RBMS2: variants seen among roughly 807,000 people sequenced by gnomAD.
RBMS2 encodes the protein RNA binding motif single stranded interacting protein 2, also known as RNA-binding motif, single-stranded-interacting protein 2.
A neutral mutation model predicts 58.4 loss-of-function variants in RBMS2; 38 were observed. The observed-to-expected ratio is 0.65, with a 90% CI of 0.50 to 0.85. The LOEUF (loss-of-function observed/expected upper bound fraction) is 0.85, where lower values mean the gene tolerates loss of function less well. RBMS2 is among the 40% of genes least tolerant of loss of function. The pLI is 0.00. For missense variants in RBMS2, 367 were observed against 503.7 expected, an observed-to-expected ratio of 0.73 and a Z score of 2.60; for synonymous variants, 151 against 180.7, an observed-to-expected ratio of 0.84 and a Z score of 1.32.
At chr12:56,586,297 A>T (rs1338342861) in intron 9 of RBMS2, among the ~76,000 whole-genome samples, 1 of 150,954 alleles carries the variant, frequency 6.6e-6, no homozygotes, top group Non-Finnish European at 1.5e-5. Context: ...CTGCCACTGC[A>T]CTCCAGCTTG....
At position 56,588,979 on chromosome 12, in the gene RBMS2, G is replaced by A. The variant is rs772225865; in HGVS notation, c.1191G>A (p.Glu397=). ...AAGTGGCAGTGGACGCACCCTCAGA[G>A]CATGGGGTCTATTCTTTCCAGTTCA... is the stretch of plus-strand genomic sequence containing the variant. ...QNQVAVDAPS[E]HGVYSFQFNK Residue 397 remains glutamate, a synonymous_variant, in exon 13 of 14, where the codon GAG becomes GAA. Transcript: ENST00000262031. 11 of 1,614,072 alleles carry A rather than the reference G, an allele frequency of 6.8e-6. No homozygotes were observed. The South Asian group carries it at 1.1e-4, about 16-fold the overall frequency.
chr12:56,547,766 A>G (rs1877521116), intron 1 of RBMS2, among the ~76,000 whole-genome samples: 1 of 150,666 alleles, frequency 6.6e-6, no homozygotes, highest in Non-Finnish European at 1.5e-5. Flanking sequence ...CTCCTGCCTC[A>G]GCCTCCCAAG....
At position 56,557,421 on chromosome 12, in the gene RBMS2, T is replaced by G. The variant is rs373674311; in HGVS notation, c.67-4996T>G. On this transcript the variant is annotated intron_variant, in intron 1 of 13. Transcript: ENST00000262031. ...TTTGGTGTCAAACCTATGCAGCAAT[T>G]TCAGAAGGTACGTGAGAATAGCAAG... 9.4e-4 allele frequency among the ~76,000 whole-genome samples: 143 copies of G among 152,224 alleles called. 2 individuals are homozygous for G. In the South Asian group the frequency reaches 0.02, roughly 21 times the overall value.
intron 1 of RBMS2, among the ~76,000 whole-genome samples, chr12:56,542,503 G>A (rs1171652097): frequency 1.4e-5 from 2 of 146,482 alleles, no homozygotes; most frequent in African/African-American, 2.5e-5. Context: ...TATAGTTAAC[G>A]AAAACCATTG....
In RBMS2 at chr12:56,587,596, C is replaced by T; in HGVS notation, c.994C>T (p.Gln332Ter). Residue 332 changes from glutamine (Q) to a stop codon, truncating the protein, a stop_gained, in exon 11 of 14, where the codon CAG becomes TAG. Transcript: ENST00000262031. LOFTEE classifies it high-confidence loss of function. Reference sequence around the variant, plus strand: ...AGGGATGGACCATCCCATTTCTCTCCAGCCTGCCTCCATGATGGGACCCCT... The same window carrying T: ...AGGGATGGACCATCCCATTTCTCTCTAGCCTGCCTCCATGATGGGACCCCT... ...TPGMDHPISL[Q>*]PASMMGPLTQ... 1.2e-6 allele frequency: 2 copies of T among 1,614,086 alleles called. No individual in the cohort carries two copies. Among genetic ancestry groups the T allele is most frequent in the Non-Finnish European group, 1.7e-6 (2 of 1,179,978 alleles).
In RBMS2 at chr12:56,588,311, A is replaced by G; in HGVS notation, c.1080A>G (p.Ala360=). ...SSTGTYMPTA[A]AMQGAYISQY... ...CTTTCTAGTATATGCCGACGGCTGC[A>G]GCTATGCAAGGAGCTTACATCTCCC... The change falls in exon 12 of 14, where the codon GCA becomes GCG. Residue 360 remains alanine (A), a synonymous_variant. Coordinates refer to ENST00000262031, the MANE Select transcript of RBMS2 (RefSeq NM_002898.4). 2.5e-6 allele frequency: 4 copies of G among 1,613,852 alleles called. No homozygotes were observed. Among genetic ancestry groups the G allele is most frequent in the Non-Finnish European group, 3.4e-6 (4 of 1,179,802 alleles).
At chr12:56,555,476 C>CATACCTGTAATCCA (rs1879077016) in intron 1 of RBMS2, among the ~76,000 whole-genome samples, 1 of 151,444 alleles carries the variant, frequency 6.6e-6, no homozygotes, top group Non-Finnish European at 1.5e-5. Context: ...AGACCTTGGC[C>CATACCTGTAATCCA]AGGTATGGTG....
Position 56,547,163 on chromosome 12 carries a change from C to T in RBMS2, c.67-15254C>T, listed in dbSNP as rs373716015. Among the ~76,000 whole-genome samples the T allele has an allele frequency of 4.0e-5, 6 of 150,500 alleles. No individual in the cohort carries two copies. In the East Asian group the frequency reaches 6.0e-4, roughly 15 times the overall value. On this transcript the variant is annotated intron_variant, in intron 1 of 13. Transcript: ENST00000262031. The stretch of plus-strand genomic sequence containing the variant: ...GTCAGGAGTTCAAAACCAGCCTGGC[C>T]AACATGGTGAAACCCCATCTCTGCT...
chr12:56,562,505 A>G lies in RBMS2; in HGVS notation c.155A>G (p.Gln52Arg), dbSNP rs1404126233. 1.2e-6 allele frequency: 2 copies of G among 1,608,896 alleles called. No individual in the cohort carries two copies. The highest frequency in any genetic ancestry group is 1.7e-6 in the Non-Finnish European group (2 of 1,175,280). The change falls in exon 2 of 14, where the codon CAG becomes CGG. Residue 52 changes from glutamine to arginine, a missense_variant. Transcript: ENST00000262031. ...AGTAGTGGAAGCAATGGAAATGACCAGCTGAGCAAAACCAACCTATACATC... is the reference window on the plus strand; with the variant it reads ...AGTAGTGGAAGCAATGGAAATGACCGGCTGAGCAAAACCAACCTATACATC... ...NSSSGSNGND[Q>R]LSKTNLYIRG...
intron 9 of RBMS2, among the ~76,000 whole-genome samples, chr12:56,586,087 G>T (rs1167017785): frequency 6.6e-6 from 1 of 152,174 alleles, no homozygotes; most frequent in Non-Finnish European, 1.5e-5. Context: ...CCAGCACTTT[G>T]GGAGGCTGAG....
At chr12:56,527,574 T>G (rs1435138263) in intron 1 of RBMS2, among the ~76,000 whole-genome samples, 3 of 151,932 alleles carry the variant, frequency 2.0e-5, no homozygotes. Context: ...ATCGCGCCAT[T>G]GCACTTCAGC....
At chr12:56,558,030 C>G (rs1469653430) in intron 1 of RBMS2, among the ~76,000 whole-genome samples, 1 of 132,064 alleles carries the variant, frequency 7.6e-6, no homozygotes, top group East Asian at 2.4e-4. Flanking sequence ...TGAGCCACCT[C>G]GCCCGGGCTT....
chr12:56,528,360 C>A (rs1873076593), intron 1 of RBMS2, among the ~76,000 whole-genome samples: 1 of 151,814 alleles, frequency 6.6e-6, no homozygotes, highest in Non-Finnish European at 1.5e-5. Flanking sequence ...ATGACTTTGA[C>A]AAGCAATTTC....
intron 4 of RBMS2, among the ~76,000 whole-genome samples, chr12:56,570,606 C>T (rs1252219504): frequency 6.6e-6 from 1 of 152,162 alleles, no homozygotes; most frequent in East Asian, 1.9e-4. Context: ...GAGACAGCGT[C>T]TCGCTCTGTC....
intron 1 of RBMS2, among the ~76,000 whole-genome samples, chr12:56,548,489 T>C (rs1877666775): frequency 1.3e-5 from 2 of 152,182 alleles, no homozygotes; most frequent in South Asian, 4.1e-4. Context: ...ATGACTGAAA[T>C]AGTGCAAAGG....
intron 5 of RBMS2, chr12:56,573,072 T>TA: frequency 5.2e-6 from 5 of 953,080 alleles, no homozygotes; most frequent in Non-Finnish European, 6.2e-6. Flanking sequence ...TTTTTTTTTT[T>TA]AGTTTCAAAA....
rs550423102 is a variant in RBMS2, at chr12:56,589,012, A to G, written c.1224A>G (p.Ter408=). The stretch of plus-strand genomic sequence containing the variant: ...TCTATTCTTTCCAGTTCAACAAGTA[A>G]CAGTGGGTAAGAACCACATGCTGGG... ...HGVYSFQFNK[*] is the part of the protein sequence containing the mutation. Residue 408 remains the stop codon, a stop_retained_variant, in exon 13 of 14, where the codon TAA becomes TAG. Transcript: ENST00000262031. 5.6e-6 allele frequency: 9 copies of G among 1,614,208 alleles called. No individual in the cohort carries two copies. In the South Asian group the frequency reaches 8.8e-5, roughly 16 times the overall value.
Position 56,590,690 on chromosome 12 carries a change from A to G in RBMS2, c.*1557A>G, listed in dbSNP as rs985557277. 2 of 152,216 alleles carry G rather than the reference A, an allele frequency of 1.3e-5. No individual in the cohort carries two copies. The highest frequency in any genetic ancestry group is 4.8e-5 in the African/African-American group (2 of 41,434). The allele number at this position is 152,216 out of a possible 1,614,324, so 9.4% of individuals were successfully genotyped here. On this transcript the variant is annotated 3_prime_UTR_variant, in exon 14 of 14. Transcript: ENST00000262031. Reference sequence around the variant, plus strand: ...ACTTTGACTTTTGATAACTCTGCATATAGCAAGAGTGATTCTTGAAAGAGC... The same window carrying G: ...ACTTTGACTTTTGATAACTCTGCATGTAGCAAGAGTGATTCTTGAAAGAGC...
rs1479518585 is a variant in RBMS2, at chr12:56,592,237, C to T, written c.*3104C>T. 2 of 152,186 alleles carry T rather than the reference C, an allele frequency of 1.3e-5. No individual in the cohort carries two copies. Among genetic ancestry groups the T allele is most frequent in the Non-Finnish European group, 2.9e-5 (2 of 68,056 alleles). 9.4% of individuals were successfully genotyped at this position (152,186 alleles called of 1,614,324 possible). A position where few individuals can be genotyped will look rare whatever the true frequency, so the allele number is the denominator to read the frequency against. The stretch of plus-strand genomic sequence containing the variant: ...CTCTCTTTGTACTTTACATCTCACC[C>T]CCACTCATTACAGATGCTCATAACA... On this transcript the variant is annotated 3_prime_UTR_variant, in exon 14 of 14. Transcript: ENST00000262031.
Sources: gnomAD v4.1 joint callset for allele counts (sites outside exome capture counted in the v4.1 genomes callset) on GRCh38, gnomAD v4.1.1 for gene constraint, MANE v1.5 for transcripts, NCBI Gene and HGNC (gene_info 2026-07-23, HGNC 2026-07-21) for gene names.